Variants in ADAMTS6 observed in about 807,000 individuals in gnomAD.
ADAMTS6 encodes the protein A disintegrin and metalloproteinase with thrombospondin motifs 6.
Under a neutral mutation model 144.3 loss-of-function variants are expected in ADAMTS6, and 23 were observed. The observed-to-expected ratio is 0.16, with a 90% CI of 0.11 to 0.23. The LOEUF is 0.23. Ranked by LOEUF, ADAMTS6 falls within the 10% of genes least tolerant of loss-of-function variation. ADAMTS6 has a pLI of 1.00. For missense variants in ADAMTS6, 999 were observed against 1,379.6 expected, an observed-to-expected ratio of 0.72 and a Z score of 4.37; for synonymous variants, 444 against 457.5, an observed-to-expected ratio of 0.97 and a Z score of 0.38.
chr5:65,256,086 G>T (rs974644394), intron 14 of ADAMTS6, among the ~76,000 whole-genome samples: 1 of 152,080 alleles, frequency 6.6e-6, no homozygotes, highest in Admixed American at 6.6e-5. Flanking sequence ...TCTTTATAAC[G>T]AGAATTTTTC....
chr5:65,218,927 T>C (rs1309235831), intron 18 of ADAMTS6, among the ~76,000 whole-genome samples: 4 of 152,166 alleles, frequency 2.6e-5, no homozygotes, highest in African/African-American at 9.7e-5. Flanking sequence ...TGTATTATGA[T>C]AAATTAAAAA....
intron 20 of ADAMTS6, chr5:65,210,136 C>G: frequency 4.6e-6 from 1 of 218,038 alleles, no homozygotes; most frequent in Non-Finnish European, 9.7e-6. Context: ...ACAGGCTTTT[C>G]AATAGGTTTG....
chr5:65,166,375 C>CA (rs1460197397), intron 24 of ADAMTS6, among the ~76,000 whole-genome samples: 1 of 91,070 alleles, frequency 1.1e-5, no homozygotes, highest in African/African-American at 4.5e-5. Context: ...CACCCAGATT[C>CA]ATAAAGCAAG....
At chr5:65,364,246 C>A (rs1178639019) in intron 7 of ADAMTS6, among the ~76,000 whole-genome samples, 3 of 152,180 alleles carry the variant, frequency 2.0e-5, no homozygotes, top group Non-Finnish European at 4.4e-5. Flanking sequence ...CCTGGAGAAA[C>A]TGCAGCTGTG....
chr5:65,157,253 A>G (rs182504239), intron 24 of ADAMTS6, among the ~76,000 whole-genome samples: 386 of 152,362 alleles, frequency 2.5e-3, no homozygotes, highest in African/African-American at 8.5e-3. Flanking sequence ...TGATGTGCCA[A>G]TGAGTTTTTC....
chr5:65,340,004 T>G (rs985078248), intron 7 of ADAMTS6, among the ~76,000 whole-genome samples: 4 of 152,126 alleles, frequency 2.6e-5, no homozygotes, highest in African/African-American at 9.7e-5. Context: ...TCCAAAGTCT[T>G]AGGAGAGAGT....
At chr5:65,404,391 T>A (rs1170499427) in intron 7 of ADAMTS6, among the ~76,000 whole-genome samples, 1 of 152,184 alleles carries the variant, frequency 6.6e-6, no homozygotes, top group East Asian at 1.9e-4. Flanking sequence ...TGAGAACATA[T>A]GGTGTTTGGT....
chr5:65,463,314 T>C (rs552393141), intron 3 of ADAMTS6, among the ~76,000 whole-genome samples: 15 of 152,110 alleles, frequency 9.9e-5, no homozygotes, highest in African/African-American at 3.1e-4. Flanking sequence ...GCAGACCAGA[T>C]ACTGGGAACA....
intron 15 of ADAMTS6, among the ~76,000 whole-genome samples, chr5:65,238,100 C>A (rs1213471425): frequency 4.6e-5 from 7 of 151,426 alleles, no homozygotes; most frequent in Admixed American, 2.0e-4. Context: ...AAAAAAAAAT[C>A]TTGGTTTGAG....
At chr5:65,295,857 T>C (rs1415922168) in intron 10 of ADAMTS6, among the ~76,000 whole-genome samples, 1 of 152,108 alleles carries the variant, frequency 6.6e-6, no homozygotes, top group Non-Finnish European at 1.5e-5. Flanking sequence ...GAGAAAGTCA[T>C]ATTTTATGAA....
Position 65,217,152 on chromosome 5 carries a change from C to A in ADAMTS6, c.2273-1665G>T, listed in dbSNP as rs1202278802. Among the ~76,000 whole-genome samples, 7 of 152,188 alleles carry A rather than the reference C, an allele frequency of 4.6e-5. No individual in the cohort carries two copies. The East Asian group carries it at 1.4e-3, about 29-fold the overall frequency. ...AATCTTCAAAATAAATCTAATTAACCTTTTGAGATAGGAACAAGCAAATAG... is the reference window on the plus strand; with the variant it reads ...AATCTTCAAAATAAATCTAATTAACATTTTGAGATAGGAACAAGCAAATAG... On this transcript the variant is annotated intron_variant, in intron 18 of 24. Coordinates refer to ENST00000381055, the MANE Select transcript of ADAMTS6 (RefSeq NM_197941.4).
intron 7 of ADAMTS6, chr5:65,416,055 G>A: frequency 5.3e-6 from 1 of 189,672 alleles, no homozygotes; most frequent in African/African-American, 2.4e-5. Flanking sequence ...TTTCGCCAAG[G>A]CCAACTTCAA....
At chr5:65,384,550 C>T (rs541792262) in intron 7 of ADAMTS6, among the ~76,000 whole-genome samples, 39 of 152,272 alleles carry the variant, frequency 2.6e-4, no homozygotes, top group African/African-American at 7.9e-4. Flanking sequence ...CCATGGGAGA[C>T]CTCATTAAGA....
chr5:65,351,739 AC>A (rs1458665891), intron 7 of ADAMTS6, among the ~76,000 whole-genome samples: 1 of 152,000 alleles, frequency 6.6e-6, no homozygotes, highest in East Asian at 1.9e-4. Context: ...CTATAATCAC[AC>A]CTTTGAATAG....
intron 21 of ADAMTS6, among the ~76,000 whole-genome samples, chr5:65,189,054 C>T (rs1396375513): frequency 2.0e-5 from 3 of 152,180 alleles, no homozygotes; most frequent in African/African-American, 7.2e-5. Flanking sequence ...TCTATGAAAA[C>T]AGGCAGATCT....
chr5:65,294,450 T>A (rs1343818500), intron 10 of ADAMTS6, among the ~76,000 whole-genome samples: 2 of 152,204 alleles, frequency 1.3e-5, no homozygotes, highest in Non-Finnish European at 2.9e-5. Context: ...TCTCAAGAGA[T>A]CTTCCTGCCT....
chr5:65,280,866 C>T (rs1193705179), intron 11 of ADAMTS6, among the ~76,000 whole-genome samples: 1 of 152,130 alleles, frequency 6.6e-6, no homozygotes, highest in East Asian at 1.9e-4. Context: ...GAAGTCAGTT[C>T]AATCAATGCG....
chr5:65,318,754 G>A (rs1745258379), intron 9 of ADAMTS6, among the ~76,000 whole-genome samples: 1 of 152,038 alleles, frequency 6.6e-6, no homozygotes, highest in Non-Finnish European at 1.5e-5. Flanking sequence ...GGAGGGTGGG[G>A]GATGCGGGTA....
intron 7 of ADAMTS6, among the ~76,000 whole-genome samples, chr5:65,383,734 C>T (rs970914620): frequency 6.6e-6 from 1 of 152,126 alleles, no homozygotes; most frequent in African/African-American, 2.4e-5. Flanking sequence ...TGGTCATTGC[C>T]CTAGTGGAGA....
Sources: gnomAD v4.1 joint callset for allele counts (sites outside exome capture counted in the v4.1 genomes callset) on GRCh38, gnomAD v4.1.1 for gene constraint, MANE v1.5 for transcripts, NCBI Gene and HGNC (gene_info 2026-07-23, HGNC 2026-07-21) for gene names.